The following CBX3 variants were observed in gnomAD, a reference collection of about 807,000 sequenced individuals.
CBX3 encodes the protein chromobox 3.
A neutral mutation model predicts 22.6 loss-of-function variants in CBX3; 5 were observed. The ratio of observed to expected loss-of-function variants is 0.22; its 90% CI spans 0.12 to 0.47. CBX3 has a LOEUF of 0.47. Among genes scored for constraint, CBX3 ranks in the 20% least tolerant of loss-of-function variants. CBX3 has a pLI of 0.99. For missense variants in CBX3, 83 were observed against 208.1 expected, an observed-to-expected ratio of 0.40 and a Z score of 3.70; for synonymous variants, 50 against 66.6, an observed-to-expected ratio of 0.75 and a Z score of 1.21.
chr7:26,209,305 C>T (rs1562747693), intron 4 of CBX3, among the ~76,000 whole-genome samples: 2 of 152,094 alleles, frequency 1.3e-5, no homozygotes, highest in Admixed American at 6.5e-5. Flanking sequence ...TAAGGATGGG[C>T]GTGGTTTAGC....
chr7:26,205,163 AG>A (rs1784646051), intron 2 of CBX3, among the ~76,000 whole-genome samples: 1 of 152,010 alleles, frequency 6.6e-6, no homozygotes, highest in African/African-American at 2.4e-5. Flanking sequence ...TAACCATTTC[AG>A]GGTTTTTTTT....
intron 3 of CBX3, among the ~76,000 whole-genome samples, chr7:26,206,841 T>G (rs765916143): frequency 4.6e-5 from 7 of 152,202 alleles, no homozygotes; most frequent in African/African-American, 1.7e-4. Flanking sequence ...ACACAGAGGG[T>G]GCTAAAAACA....
chr7:26,209,925 A>C (rs927737113), intron 4 of CBX3: 1 of 152,194 alleles, frequency 6.6e-6, no homozygotes, highest in African/African-American at 2.4e-5. Context: ...CATAGGTATA[A>C]TCACTATTTT....
In CBX3 at chr7:26,205,708, C is replaced by A. The variant is rs184967893; in HGVS notation, c.25-660C>A. Among the ~76,000 whole-genome samples, 24 of 152,320 alleles carry A rather than the reference C, an allele frequency of 1.6e-4. No individual in the cohort carries two copies. In the East Asian group the frequency reaches 4.4e-3, roughly 28 times the overall value. On this transcript the variant is annotated intron_variant, in intron 2 of 5. Coordinates refer to ENST00000396386, the MANE Select transcript of CBX3 (RefSeq NM_016587.4). Reference sequence around the variant, plus strand: ...TAAGACCTGTCACTACTACTTGCTTCTCTGTATCACCCTTTAGGTACTTCC... The same window carrying A: ...TAAGACCTGTCACTACTACTTGCTTATCTGTATCACCCTTTAGGTACTTCC...
At position 26,207,550 on chromosome 7, in the gene CBX3, A is replaced by T. The variant is rs145872193; in HGVS notation, c.168-843A>T. On this transcript the variant is annotated intron_variant, in intron 3 of 5. Transcript: ENST00000396386. The stretch of plus-strand genomic sequence containing the variant: ...TTGTTTTGTTTTGAGATGGAGTCTC[A>T]CCCTGTTGCCCAGGCTGGAGTGCAG... Among the ~76,000 whole-genome samples, 915 of 152,104 alleles carry T rather than the reference A, an allele frequency of 6.0e-3. 9 individuals carry two copies. Among genetic ancestry groups the T allele is most frequent in the African/African-American group, 0.021 (873 of 41,508 alleles).
intron 2 of CBX3, among the ~76,000 whole-genome samples, chr7:26,204,557 T>TTG (rs1205555498): frequency 1.3e-5 from 2 of 152,174 alleles, no homozygotes; most frequent in Non-Finnish European, 2.9e-5. Flanking sequence ...GATTTTTATT[T>TTG]TGTGTGTGTG....
chr7:26,213,100 G>C lies in CBX3; in HGVS notation c.*892G>C, dbSNP rs1784847404. 1 of 152,480 alleles carries C rather than the reference G, an allele frequency of 6.6e-6. No homozygotes were observed. The highest frequency in any genetic ancestry group is 2.4e-5 in the African/African-American group (1 of 41,486). The allele number at this position is 152,480 out of a possible 1,614,324, so 9.4% of individuals were successfully genotyped here. A position where few individuals can be genotyped will look rare whatever the true frequency, so the allele number is the denominator to read the frequency against. ...TCATAGAAACCTAATCAGATGGTTA[G>C]AGGTGTTGGCAGTTTAGGACCTGCT... On this transcript the variant is annotated 3_prime_UTR_variant, in exon 6 of 6. Transcript: ENST00000396386.
At chr7:26,202,868 A>G in intron 1 of CBX3, 103 bp from the exon 2 acceptor site, 1 of 722,178 alleles carries the variant, frequency 1.4e-6, no homozygotes, top group African/African-American at 1.8e-5. Flanking sequence ...TCACGTTTGA[A>G]ATGTGCGCTC....
intron 1 of CBX3, chr7:26,202,695 C>T (rs1784570404): frequency 1.3e-5 from 5 of 393,804 alleles, no homozygotes; most frequent in East Asian, 1.1e-4. Flanking sequence ...ATAAATGGGA[C>T]TTAGATTGGA....
At chr7:26,204,643 C>T (rs555454055) in intron 2 of CBX3, among the ~76,000 whole-genome samples, 1 of 152,282 alleles carries the variant, frequency 6.6e-6, no homozygotes, top group East Asian at 1.9e-4. Flanking sequence ...TATCTGTCTG[C>T]ACACTTCATA....
chr7:26,209,598 G>A (rs988811502), intron 4 of CBX3, among the ~76,000 whole-genome samples: 18 of 152,044 alleles, frequency 1.2e-4, no homozygotes, highest in Non-Finnish European at 1.5e-4. Flanking sequence ...TGATTTTGAA[G>A]TCTGTAATCT....
upstream of CBX3, chr7:26,201,585 C>T (rs576173198): frequency 6.6e-6 from 1 of 151,072 alleles, no homozygotes; most frequent in South Asian, 2.1e-4. Context: ...TCGTCGGCGC[C>T]TCCGCCCTCC....
At chr7:26,202,028 G>A (rs939208087) in intron 1 of CBX3, 1 of 151,790 alleles carries the variant, frequency 6.6e-6, no homozygotes, top group Admixed American at 6.6e-5. Context: ...TTAGTGGGGG[G>A]ACTGCTCTGC....
At position 26,212,298 on chromosome 7, in the gene CBX3, A is replaced by G; in HGVS notation, c.*90A>G. The G allele has an allele frequency of 1.3e-6, 1 of 793,780 alleles. No homozygotes were observed. The highest frequency in any genetic ancestry group is 4.7e-5 in the Admixed American group (1 of 21,428). The allele number at this position is 793,780 out of a possible 1,614,324, so 49.2% of individuals were successfully genotyped here. On this transcript the variant is annotated 3_prime_UTR_variant, in exon 6 of 6. Coordinates refer to ENST00000396386, the MANE Select transcript of CBX3 (RefSeq NM_016587.4). ...TTTACTAGTGTGACAAAATAACTAC[A>G]TCCTAATGAAAATCAAGTTTGATAT...
chr7:26,205,040 C>G (rs1246615428), intron 2 of CBX3, among the ~76,000 whole-genome samples: 1 of 152,158 alleles, frequency 6.6e-6, no homozygotes, highest in Non-Finnish European at 1.5e-5. Context: ...CTGCCCACCT[C>G]GGCCTCCCAA....
At position 26,208,548 on chromosome 7, in the gene CBX3, G is replaced by A. The variant is rs748426965; in HGVS notation, c.323G>A (p.Arg108Lys). Residue 108 changes from arginine (R) to lysine (K), a missense_variant, in exon 4 of 6, where the codon AGA becomes AAA. Arg to Lys is a conservative substitution (Grantham distance 26, BLOSUM62 2). Transcript: ENST00000396386. ...GATGACAGCAAATCAAAGAAGAAAA[G>A]AGATGCTGTAAGTATAAAATATTGC... is the stretch of plus-strand genomic sequence containing the variant. The part of the protein sequence containing the change: ...ESDDSKSKKK[R>K]DAADKPRGFA... 1.9e-6 allele frequency: 3 copies of A among 1,606,672 alleles called. No individual in the cohort carries two copies.
intron 4 of CBX3, among the ~76,000 whole-genome samples, chr7:26,210,765 A>G (rs1375661315): frequency 6.6e-6 from 1 of 152,214 alleles, no homozygotes; most frequent in East Asian, 1.9e-4. Context: ...ACATTTTTAC[A>G]GATATTCAAC....
chr7:26,212,033 A>G, intron 5 of CBX3, 49 bp from the exon 6 acceptor site: 1 of 1,455,668 alleles, frequency 6.9e-7, no homozygotes, highest in Non-Finnish European at 9.1e-7. Flanking sequence ...CTGTCGGTTG[A>G]CATGAACAAC....
At chr7:26,203,574 C>A (rs1784602401) in intron 2 of CBX3, among the ~76,000 whole-genome samples, 2 of 151,916 alleles carry the variant, frequency 1.3e-5, no homozygotes, top group African/African-American at 4.8e-5. Flanking sequence ...TGATCGAAAT[C>A]GCAAATATGA....
Sources: gnomAD v4.1 joint callset for allele counts (sites outside exome capture counted in the v4.1 genomes callset) on GRCh38, gnomAD v4.1.1 for gene constraint, MANE v1.5 for transcripts, NCBI Gene and HGNC (gene_info 2026-07-23, HGNC 2026-07-21) for gene names.